Variants in NRCAM observed in about 807,000 individuals in gnomAD.
NRCAM encodes the protein NgCAM-related cell adhesion molecule.
Under a neutral mutation model 156.5 loss-of-function variants are expected in NRCAM, and 83 were observed. That is an observed-to-expected ratio of 0.53 (90% CI 0.44 to 0.64). NRCAM has a LOEUF of 0.64. Among genes scored for constraint, NRCAM ranks in the 30% least tolerant of loss-of-function variants. NRCAM has a pLI of 0.00. For missense variants in NRCAM, 1,417 were observed against 1,597.3 expected (o/e 0.89, Z 1.92); for synonymous variants, 538 against 563.9 (o/e 0.95, Z 0.65).
intron 11 of NRCAM, among the ~76,000 whole-genome samples, chr7:108,215,171 ATCTG>A (rs1409148691): frequency 1.3e-5 from 2 of 150,028 alleles, no homozygotes; most frequent in Non-Finnish European, 3.0e-5. Flanking sequence ...TGTCTCACTG[ATCTG>A]TCTAATATTG....
intron 2 of NRCAM, among the ~76,000 whole-genome samples, chr7:108,359,602 T>C (rs1000953128): frequency 6.6e-6 from 1 of 152,146 alleles, no homozygotes; most frequent in Admixed American, 6.6e-5. Context: ...AAGAGAAACT[T>C]GGAAAGGTAT....
At chr7:108,419,122 C>T (rs933917837) in intron 1 of NRCAM, among the ~76,000 whole-genome samples, 1 of 152,174 alleles carries the variant, frequency 6.6e-6, no homozygotes, top group Non-Finnish European at 1.5e-5. Flanking sequence ...TTCATTGCTT[C>T]ATCTTTTCTT....
intron 6 of NRCAM, among the ~76,000 whole-genome samples, chr7:108,234,206 G>C (rs1191592974): frequency 1.3e-5 from 2 of 152,128 alleles, no homozygotes; most frequent in African/African-American, 4.8e-5. Flanking sequence ...AGAATCAAAA[G>C]GCTCTTTCCA....
chr7:108,153,254 C>G (rs558772601), intron 32 of NRCAM, among the ~76,000 whole-genome samples: 1 of 152,094 alleles, frequency 6.6e-6, no homozygotes, highest in Admixed American at 6.5e-5. Context: ...ATTTCATATC[C>G]AGGTTGGGTT....
chr7:108,322,162 T>C (rs370316905), intron 2 of NRCAM, among the ~76,000 whole-genome samples: 2 of 151,884 alleles, frequency 1.3e-5, no homozygotes, highest in Non-Finnish European at 2.9e-5. Context: ...TCGTTTTTTT[T>C]CAAAGCTGGC....
intron 2 of NRCAM, among the ~76,000 whole-genome samples, chr7:108,321,916 T>C (rs921351696): frequency 6.6e-6 from 1 of 152,202 alleles, no homozygotes; most frequent in Non-Finnish European, 1.5e-5. Flanking sequence ...TTAAAAATAA[T>C]AAACCAGATG....
At chr7:108,448,049 T>C (rs1846384744) in intron 1 of NRCAM, among the ~76,000 whole-genome samples, 2 of 152,192 alleles carry the variant, frequency 1.3e-5, no homozygotes, top group Non-Finnish European at 2.9e-5. Flanking sequence ...AGTGAACCCT[T>C]GACATCTATT....
intron 2 of NRCAM, among the ~76,000 whole-genome samples, chr7:108,351,570 T>C (rs987459979): frequency 2.0e-5 from 3 of 152,190 alleles, no homozygotes; most frequent in Non-Finnish European, 4.4e-5. Context: ...TGGGATAGGC[T>C]TTGGGATTGG....
At chr7:108,318,999 C>T (rs1023040704) in intron 2 of NRCAM, among the ~76,000 whole-genome samples, 2 of 152,130 alleles carry the variant, frequency 1.3e-5, no homozygotes, top group Non-Finnish European at 2.9e-5. Flanking sequence ...CATGAAGAGT[C>T]ATTGTTTAAT....
intron 3 of NRCAM, among the ~76,000 whole-genome samples, chr7:108,302,922 C>T (rs1348954508): frequency 6.6e-6 from 1 of 152,106 alleles, no homozygotes; most frequent in Non-Finnish European, 1.5e-5. Flanking sequence ...ACAGTCCTGT[C>T]TTCCTCTTAA....
At chr7:108,367,681 G>C (rs970266791) in intron 2 of NRCAM, among the ~76,000 whole-genome samples, 3 of 152,060 alleles carry the variant, frequency 2.0e-5, no homozygotes, top group African/African-American at 4.8e-5. Flanking sequence ...ATCTGAAGGA[G>C]AGTCTCACCT....
intron 2 of NRCAM, among the ~76,000 whole-genome samples, chr7:108,332,966 A>G (rs768468301): frequency 3.0e-4 from 46 of 152,214 alleles, no homozygotes; most frequent in Non-Finnish European, 6.3e-4. Flanking sequence ...AAAGGATCAA[A>G]TCTATGCAAT....
chr7:108,283,001 C>G (rs556293495), intron 3 of NRCAM, among the ~76,000 whole-genome samples: 3 of 152,212 alleles, frequency 2.0e-5, no homozygotes, highest in Admixed American at 6.5e-5. Flanking sequence ...TAATATGCAG[C>G]CTACTTTAAA....
intron 1 of NRCAM, among the ~76,000 whole-genome samples, chr7:108,455,359 G>A (rs1855735494): frequency 6.6e-6 from 1 of 152,176 alleles, no homozygotes; most frequent in South Asian, 2.1e-4. Flanking sequence ...GATGCTCCAG[G>A]GCGGGTAATC....
At chr7:108,327,946 C>T (rs1170980686) in intron 2 of NRCAM, among the ~76,000 whole-genome samples, 1 of 152,104 alleles carries the variant, frequency 6.6e-6, no homozygotes, top group Admixed American at 6.6e-5. Flanking sequence ...TAAGGCCTAA[C>T]TAGAAAATTG....
chr7:108,375,370 C>T (rs2099670731), intron 2 of NRCAM, among the ~76,000 whole-genome samples: 1 of 152,058 alleles, frequency 6.6e-6, no homozygotes, highest in Admixed American at 6.6e-5. Context: ...TTCTACAGCC[C>T]TTCAAGGATC....
At chr7:108,244,721 C>A (rs1164290943) in intron 3 of NRCAM, among the ~76,000 whole-genome samples, 1 of 152,158 alleles carries the variant, frequency 6.6e-6, no homozygotes, top group Non-Finnish European at 1.5e-5. Context: ...TTTCTAATTT[C>A]CTCCTAGTCC....
chr7:108,211,916 GA>G (rs1203216004), intron 11 of NRCAM, among the ~76,000 whole-genome samples: 2 of 152,146 alleles, frequency 1.3e-5, no homozygotes, highest in Non-Finnish European at 2.9e-5. Context: ...ATACTCTCTG[GA>G]AAGCACCTGG....
At chr7:108,396,399 C>A (rs1459488123) in intron 2 of NRCAM, among the ~76,000 whole-genome samples, 1 of 152,212 alleles carries the variant, frequency 6.6e-6, no homozygotes, top group African/African-American at 2.4e-5. Flanking sequence ...CCACCTACAA[C>A]TCGCGTGTAT....
Sources: allele counts gnomAD v4.1 joint callset (sites outside exome capture counted in the v4.1 genomes callset), GRCh38; gene constraint gnomAD v4.1.1; transcripts MANE v1.5; gene names NCBI Gene and HGNC (gene_info 2026-07-23, HGNC 2026-07-21).